CNTNAP2: variants seen among roughly 807,000 people sequenced by gnomAD.
The protein encoded by CNTNAP2 is contactin associated protein 2.
A neutral mutation model predicts 155.2 loss-of-function variants in CNTNAP2; 98 were observed. The ratio of observed to expected loss-of-function variants is 0.63; its 90% confidence interval spans 0.54 to 0.75. The LOEUF (loss-of-function observed/expected upper bound fraction) is 0.75. Among genes scored for constraint, CNTNAP2 ranks in the 30% least tolerant of loss-of-function variants. The pLI is 0.00. For missense variants in CNTNAP2, 1,727 were observed against 1,688.1 expected, an observed-to-expected ratio of 1.02 and a Z score of -0.40; for synonymous variants, 651 against 631.2, an observed-to-expected ratio of 1.03 and a Z score of -0.47.
chr7:147,659,817 G>A (rs984948173), intron 13 of CNTNAP2, among the ~76,000 whole-genome samples: 3 of 152,158 alleles, frequency 2.0e-5, no homozygotes, highest in East Asian at 1.9e-4. Context: ...ACTCGATGCT[G>A]TATTTGCATA....
At position 147,088,570 on chromosome 7, in the gene CNTNAP2, A is replaced by G. The variant is rs146468149; in HGVS notation, c.551-19577A>G. Among the ~76,000 whole-genome samples, 6 of 152,300 alleles carry G rather than the reference A, an allele frequency of 3.9e-5. No homozygotes were observed. The East Asian group carries it at 1.2e-3, about 29-fold the overall frequency. On this transcript the variant is annotated intron_variant, in intron 4 of 23. Coordinates refer to ENST00000361727, the MANE Select transcript of CNTNAP2 (RefSeq NM_014141.6). Reference sequence around the variant, plus strand: ...AAACTAAATCAGATTCTAAAATATTATGTCATATTATGAAGCAGTATGTAA... The same window carrying G: ...AAACTAAATCAGATTCTAAAATATTGTGTCATATTATGAAGCAGTATGTAA...
At chr7:148,119,006 T>C (rs950865126) in intron 16 of CNTNAP2, among the ~76,000 whole-genome samples, 5 of 152,198 alleles carry the variant, frequency 3.3e-5, no homozygotes, top group Admixed American at 1.3e-4. Context: ...ATGCTTGCCC[T>C]ACCTGGACCC....
At chr7:148,071,988 A>G (rs577188255) in intron 15 of CNTNAP2, among the ~76,000 whole-genome samples, 2 of 152,286 alleles carry the variant, frequency 1.3e-5, no homozygotes, top group African/African-American at 4.8e-5. Context: ...TTACTTACTC[A>G]TTATCTGACT....
chr7:147,698,540 T>G (rs1796192928), intron 13 of CNTNAP2, among the ~76,000 whole-genome samples: 1 of 152,232 alleles, frequency 6.6e-6, no homozygotes, highest in Non-Finnish European at 1.5e-5. Flanking sequence ...ATTTCACTGC[T>G]ACATTTTATT....
At chr7:147,812,025 A>G (rs1798187453) in intron 13 of CNTNAP2, among the ~76,000 whole-genome samples, 1 of 152,230 alleles carries the variant, frequency 6.6e-6, no homozygotes, top group South Asian at 2.1e-4. Flanking sequence ...GTTAGGGGCG[A>G]AGGAGCCTGG....
intron 1 of CNTNAP2, among the ~76,000 whole-genome samples, chr7:146,551,744 G>T (rs1400357607): frequency 6.6e-6 from 1 of 152,078 alleles, no homozygotes; most frequent in Non-Finnish European, 1.5e-5. Flanking sequence ...TTTGTACAGA[G>T]TCCAGCTCCT....
intron 13 of CNTNAP2, among the ~76,000 whole-genome samples, chr7:147,820,784 A>G (rs939654367): frequency 6.6e-6 from 1 of 152,110 alleles, no homozygotes; most frequent in African/African-American, 2.4e-5. Context: ...TCCTTAATGA[A>G]TTCCCTAGGA....
intron 9 of CNTNAP2, among the ~76,000 whole-genome samples, chr7:147,311,226 G>C (rs1408665224): frequency 3.3e-5 from 5 of 152,126 alleles, no homozygotes; most frequent in Non-Finnish European, 7.4e-5. Flanking sequence ...CTTCATCATG[G>C]GTTAGTTCAG....
At chr7:146,210,223 G>C (rs961488903) in intron 1 of CNTNAP2, among the ~76,000 whole-genome samples, 5 of 152,034 alleles carry the variant, frequency 3.3e-5, no homozygotes, top group Non-Finnish European at 2.9e-5. Context: ...CCTTTGTTTG[G>C]TTACCTAAAC....
intron 13 of CNTNAP2, among the ~76,000 whole-genome samples, chr7:147,744,582 T>G (rs113207573): frequency 4.0e-4 from 61 of 152,200 alleles, no homozygotes; most frequent in Non-Finnish European, 1.2e-4. Context: ...GTTTCCATAA[T>G]AAAATAACAA....
At position 148,188,696 on chromosome 7, in the gene CNTNAP2, G is replaced by C. The variant is rs7794083; in HGVS notation, c.3010+16218G>C. 4.4e-3 allele frequency among the ~76,000 whole-genome samples: 663 copies of C among 152,126 alleles called. 3 individuals are homozygous for C. Among genetic ancestry groups the C allele is most frequent in the African/African-American group, 0.015 (627 of 41,490 alleles). ...AGTTATTGATCCATGTTAGAATTTT[G>C]TACTATTGGAAAATGTATTCTGAGT... On this transcript the variant is annotated intron_variant, in intron 18 of 23. Coordinates refer to ENST00000361727, the MANE Select transcript of CNTNAP2 (RefSeq NM_014141.6).
chr7:147,653,275 A>G (rs1298404146), intron 13 of CNTNAP2, among the ~76,000 whole-genome samples: 1 of 152,110 alleles, frequency 6.6e-6, no homozygotes, highest in African/African-American at 2.4e-5. Flanking sequence ...TGATCTTTTC[A>G]GAAGAAACTC....
At chr7:147,126,933 A>AG (rs1801252157) in intron 6 of CNTNAP2, among the ~76,000 whole-genome samples, 1 of 152,226 alleles carries the variant, frequency 6.6e-6, no homozygotes, top group Non-Finnish European at 1.5e-5. Flanking sequence ...ACTTGTGCCT[A>AG]GAGTTGCTGA....
chr7:146,787,048 T>C (rs528934333), intron 2 of CNTNAP2, among the ~76,000 whole-genome samples: 1 of 152,362 alleles, frequency 6.6e-6, no homozygotes, highest in South Asian at 2.1e-4. Flanking sequence ...TATAATTTTC[T>C]CTAGCCAGTG....
chr7:147,869,312 T>C (rs1799288399), intron 13 of CNTNAP2, among the ~76,000 whole-genome samples: 2 of 152,190 alleles, frequency 1.3e-5, no homozygotes, highest in Admixed American at 1.3e-4. Flanking sequence ...ATATCGAAGG[T>C]ATAAAGTAGG....
chr7:147,325,041 T>C (rs11772409), intron 9 of CNTNAP2, among the ~76,000 whole-genome samples: 30,877 of 152,142 alleles, frequency 0.2, 3,388 homozygotes, highest in Non-Finnish European at 0.24. Flanking sequence ...CAGTGGCTCA[T>C]GCCTGTAATC....
intron 1 of CNTNAP2, among the ~76,000 whole-genome samples, chr7:146,135,120 T>C (rs557323911): frequency 6.6e-6 from 1 of 152,140 alleles, no homozygotes; most frequent in Non-Finnish European, 1.5e-5. Flanking sequence ...GGACCACACA[T>C]TGAGTAGCAA....
rs1802752935 is a variant in CNTNAP2, at chr7:146,795,516, C to G, written c.208+21135C>G. Among the ~76,000 whole-genome samples the G allele has an allele frequency of 2.0e-5, 3 of 152,164 alleles. No homozygotes were observed. The South Asian group carries it at 6.2e-4, about 31-fold the overall frequency. On this transcript the variant is annotated intron_variant, in intron 2 of 23. Transcript: ENST00000361727. ...GAAGTAAAGTCAGTGTGCCAAATGT[C>G]ATGGAATGTAACCTTGGCTCAGATC...
intron 1 of CNTNAP2, among the ~76,000 whole-genome samples, chr7:146,631,282 A>G (rs181831578): frequency 2.0e-5 from 3 of 152,294 alleles, no homozygotes; most frequent in Admixed American, 2.0e-4. Flanking sequence ...AGGAAAACAA[A>G]TATTTGAAAT....
Sources: gnomAD v4.1 joint callset for allele counts (sites outside exome capture counted in the v4.1 genomes callset) on GRCh38, gnomAD v4.1.1 for gene constraint, MANE v1.5 for transcripts, NCBI Gene and HGNC (gene_info 2026-07-23, HGNC 2026-07-21) for gene names.